Variants in BLTP3B observed in about 807,000 individuals in gnomAD.
BLTP3B encodes the protein UHRF1 (ICBP90) binding protein 1-like.
At chr12:100,059,730 A>C in the BLTP3B span, 9 of 1,189,846 alleles carry the variant, frequency 7.6e-6, no homozygotes, top group Non-Finnish European at 1.0e-5. Flanking sequence ...GACCACTAAG[A>C]AGAGAATCTT....
chr12:100,124,654 G>A, the BLTP3B span, among the ~76,000 whole-genome samples: 3 of 151,676 alleles, frequency 2.0e-5, no homozygotes, highest in Non-Finnish European at 4.4e-5. Context: ...GCTAACACAG[G>A]AGAATCACTT....
chr12:100,050,209 C>T, the BLTP3B span: 1 of 1,593,794 alleles, frequency 6.3e-7, no homozygotes. Flanking sequence ...GCTGATATTG[C>T]CTAATTGGTC....
At chr12:100,060,711 A>C in the BLTP3B span, among the ~76,000 whole-genome samples, 4 of 152,218 alleles carry the variant, frequency 2.6e-5, no homozygotes, top group African/African-American at 9.6e-5. Context: ...TTACAATTAG[A>C]GGGTATATCA....
the BLTP3B span, among the ~76,000 whole-genome samples, chr12:100,138,362 A>G: frequency 6.6e-5 from 10 of 152,202 alleles, no homozygotes; most frequent in Non-Finnish European, 1.3e-4. Context: ...CTTTACTAGC[A>G]CAGAACCCTA....
chr12:100,052,790 G>GTTTTTTTTTTTTTTTTTTTTTTTT, the BLTP3B span, among the ~76,000 whole-genome samples: 2 of 114,340 alleles, frequency 1.7e-5, no homozygotes, highest in Non-Finnish European at 3.6e-5. Flanking sequence ...TTTCTTTTCT[G>GTTTTTTTTTTTTTTTTTTTTTTTT]TTTTTTTTTT....
At chr12:100,121,527 C>T in the BLTP3B span, among the ~76,000 whole-genome samples, 1 of 151,908 alleles carries the variant, frequency 6.6e-6, no homozygotes, top group Non-Finnish European at 1.5e-5. Flanking sequence ...ATTATGATTA[C>T]ATATATGTTA....
chr12:100,053,450 G>A, the BLTP3B span, among the ~76,000 whole-genome samples: 5 of 152,078 alleles, frequency 3.3e-5, no homozygotes. Flanking sequence ...AGAATGAACT[G>A]CAAATGGATA....
the BLTP3B span, among the ~76,000 whole-genome samples, chr12:100,070,404 C>T: frequency 1.3e-5 from 2 of 151,962 alleles, no homozygotes; most frequent in East Asian, 3.9e-4. Flanking sequence ...AGATTACAGG[C>T]AGGTGCCACC....
At chr12:100,050,680 T>C in the BLTP3B span, among the ~76,000 whole-genome samples, 1 of 152,024 alleles carries the variant, frequency 6.6e-6, no homozygotes, top group Non-Finnish European at 1.5e-5. Flanking sequence ...GGTGTGGTGG[T>C]GTGCACCTAT....
chr12:100,062,911 C>T, the BLTP3B span, among the ~76,000 whole-genome samples: 5 of 150,550 alleles, frequency 3.3e-5, no homozygotes, highest in South Asian at 6.3e-4. Flanking sequence ...CAGTGAGCCA[C>T]GATTGTGCCA....
chr12:100,105,681 G>A, the BLTP3B span, among the ~76,000 whole-genome samples: 1 of 152,018 alleles, frequency 6.6e-6, no homozygotes, highest in Non-Finnish European at 1.5e-5. Context: ...AAAAATAAAT[G>A]AGACCTAATT....
At chr12:100,124,573 T>C in the BLTP3B span, among the ~76,000 whole-genome samples, 2 of 150,782 alleles carry the variant, frequency 1.3e-5, no homozygotes, top group South Asian at 4.2e-4. Context: ...TGAAACCCCA[T>C]CTCTACTAAA....
At chr12:100,071,402 C>A in the BLTP3B span, among the ~76,000 whole-genome samples, 1 of 147,846 alleles carries the variant, frequency 6.8e-6, no homozygotes, top group Admixed American at 7.0e-5. Context: ...AAGCCTGGGG[C>A]ACAAGAATTG....
chr12:100,092,662 C>A, the BLTP3B span: 2 of 153,940 alleles, frequency 1.3e-5, no homozygotes, highest in Admixed American at 1.3e-4. Flanking sequence ...GTTTTCTAAT[C>A]CATATTCCAT....
the BLTP3B span, among the ~76,000 whole-genome samples, chr12:100,119,737 AAAAAAAC>A: frequency 6.6e-6 from 1 of 152,130 alleles, no homozygotes; most frequent in East Asian, 1.9e-4. Context: ...GCCATATGCA[AAAAAAAC>A]AAAAAACAAA....
At chr12:100,048,676 A>T in the BLTP3B span, among the ~76,000 whole-genome samples, 1 of 148,984 alleles carries the variant, frequency 6.7e-6, no homozygotes, top group Non-Finnish European at 1.5e-5. Context: ...AACAGAAAAG[A>T]CCTCATTAAA....
the BLTP3B span, chr12:100,050,957 T>C: frequency 4.3e-5 from 57 of 1,329,068 alleles, no homozygotes; most frequent in East Asian, 1.1e-4. Flanking sequence ...AAGCTGCAAA[T>C]TGAATTGCCC....
chr12:100,102,927 G>C, the BLTP3B span: 1 of 956,450 alleles, frequency 1.0e-6, no homozygotes, highest in Non-Finnish European at 1.5e-6. Flanking sequence ...TATTATTTAA[G>C]ATTATTTTCT....
the BLTP3B span, among the ~76,000 whole-genome samples, chr12:100,131,382 A>G: frequency 2.0e-5 from 3 of 151,662 alleles, no homozygotes; most frequent in African/African-American, 4.8e-5. Flanking sequence ...AAAATTTTTT[A>G]AAGATTTACA....
Sources: gnomAD v4.1 joint callset for allele counts (sites outside exome capture counted in the v4.1 genomes callset) on GRCh38, gnomAD v4.1.1 for gene constraint, MANE v1.5 for transcripts, NCBI Gene and HGNC (gene_info 2026-07-23, HGNC 2026-07-21) for gene names.